GARIN6: variants seen among roughly 807,000 people sequenced by gnomAD.
The protein encoded by GARIN6 is golgi associated RAB2 interactor family member 6.
At chr12:99,648,586 C>T in the GARIN6 span, 1 of 1,614,210 alleles carries the variant, frequency 6.2e-7, no homozygotes, top group Non-Finnish European at 8.5e-7. Flanking sequence ...AAAAAAACAG[C>T]TCCACCTGAA....
the GARIN6 span, chr12:99,649,259 C>T: frequency 1.3e-6 from 2 of 1,544,844 alleles, no homozygotes; most frequent in Non-Finnish European, 1.8e-6. Context: ...GCTGGTCTCA[C>T]TGTCTTTGCT....
At chr12:99,648,824 GC>G in the GARIN6 span, 1 of 1,578,468 alleles carries the variant, frequency 6.3e-7, no homozygotes, top group Non-Finnish European at 8.6e-7. Context: ...GGGCCTGGAT[GC>G]TTTGGGGGAG....
chr12:99,649,426 G>A, the GARIN6 span: 14 of 1,556,164 alleles, frequency 9.0e-6, no homozygotes, highest in Middle Eastern at 3.4e-4. Context: ...CATATACTAC[G>A]TTCAAGAGTT....
the GARIN6 span, chr12:99,648,575 TA>T: frequency 2.5e-6 from 4 of 1,614,004 alleles, no homozygotes; most frequent in East Asian, 2.2e-5. Context: ...CACAACAGCG[TA>T]AAAAAACAGC....
the GARIN6 span, chr12:99,649,138 G>C: frequency 2.9e-6 from 2 of 678,752 alleles, no homozygotes; most frequent in East Asian, 2.6e-5. Context: ...GTTGTAGGAC[G>C]TGTCTCCCTG....
At chr12:99,649,958 C>T in the GARIN6 span, 2 of 153,838 alleles carry the variant, frequency 1.3e-5, no homozygotes, top group African/African-American at 2.4e-5. Context: ...ACCTCAAAGC[C>T]CAGTACTACA....
At chr12:99,649,562 C>G in the GARIN6 span, 2 of 590,004 alleles carry the variant, frequency 3.4e-6, no homozygotes, top group Non-Finnish European at 6.0e-6. Flanking sequence ...TCTGCAGACT[C>G]AGGAGAGAAA....
the GARIN6 span, chr12:99,648,899 G>C: frequency 7.2e-7 from 1 of 1,396,334 alleles, no homozygotes; most frequent in Non-Finnish European, 9.5e-7. Context: ...ATTGCATTTG[G>C]AAGGTCTGAA....
the GARIN6 span, chr12:99,649,983 G>A: frequency 6.5e-6 from 1 of 152,718 alleles, no homozygotes; most frequent in South Asian, 2.1e-4. Context: ...GTGCAGAGGT[G>A]GACATCTCAC....
the GARIN6 span, chr12:99,647,972 G>C: frequency 1.5e-6 from 1 of 664,838 alleles, no homozygotes; most frequent in Non-Finnish European, 2.5e-6. Flanking sequence ...GGATCCAGGG[G>C]ACTGACTGTC....
chr12:99,649,518 C>A, the GARIN6 span: 1 of 742,576 alleles, frequency 1.3e-6, no homozygotes, highest in Non-Finnish European at 2.3e-6. Flanking sequence ...CAGTAAGCAC[C>A]ACCACAGGTA....
the GARIN6 span, chr12:99,649,606 A>G: frequency 1.9e-6 from 1 of 528,382 alleles, no homozygotes; most frequent in South Asian, 2.3e-5. Context: ...TCAGAGGTCC[A>G]GGAGGAAGTA....
the GARIN6 span, chr12:99,648,820 G>C: frequency 6.3e-7 from 1 of 1,583,698 alleles, no homozygotes; most frequent in Non-Finnish European, 8.6e-7. Context: ...GATGGGGCCT[G>C]GATGCTTTGG....
chr12:99,649,607 G>A, the GARIN6 span: 5 of 527,078 alleles, frequency 9.5e-6, no homozygotes, highest in East Asian at 1.6e-4. Flanking sequence ...CAGAGGTCCA[G>A]GAGGAAGTAT....
chr12:99,649,198 G>C, the GARIN6 span: 1 of 992,356 alleles, frequency 1.0e-6, no homozygotes, highest in East Asian at 2.4e-5. Flanking sequence ...TTGTGTACTT[G>C]TGCAATAATT....
At chr12:99,648,240 C>T in the GARIN6 span, 1 of 1,614,206 alleles carries the variant, frequency 6.2e-7, no homozygotes, top group Non-Finnish European at 8.5e-7. Context: ...GCATGTTTAA[C>T]ACCTCCATGG....
chr12:99,649,499 TAGTGATGACAGTA>T, the GARIN6 span: 2 of 885,696 alleles, frequency 2.3e-6, no homozygotes. Context: ...GCAACAGCAG[TAGTGATGACAGTA>T]AGCACCACCA....
At chr12:99,649,411 TC>T in the GARIN6 span, 3 of 1,591,582 alleles carry the variant, frequency 1.9e-6, no homozygotes, top group Non-Finnish European at 1.7e-6. Context: ...CCAACATACC[TC>T]CCACATATAC....
the GARIN6 span, among the ~76,000 whole-genome samples, chr12:99,648,968 C>G: frequency 2.6e-5 from 4 of 152,146 alleles, no homozygotes; most frequent in Non-Finnish European, 5.9e-5. Flanking sequence ...TAGTGCTTCT[C>G]CAGGGTTCTC....
Sources: gnomAD v4.1 joint callset for allele counts (sites outside exome capture counted in the v4.1 genomes callset) on GRCh38, gnomAD v4.1.1 for gene constraint, MANE v1.5 for transcripts, NCBI Gene and HGNC (gene_info 2026-07-23, HGNC 2026-07-21) for gene names.